NEB: variants seen among roughly 807,000 people sequenced by gnomAD.
The protein encoded by NEB is nebulin, also known as nemaline myopathy type 2.
Under a neutral mutation model 952.2 loss-of-function variants are expected in NEB, and 512 were observed. That is an observed-to-expected ratio of 0.54 (90% CI 0.50 to 0.58). NEB has a LOEUF of 0.58. NEB is among the 20% of genes least tolerant of loss of function. The pLI is 0.00. For synonymous variants in NEB, 2,900 were observed against 3,149.8 expected, an observed-to-expected ratio of 0.92 and a Z score of 2.66; for missense variants, 8,428 against 9,231.1, an observed-to-expected ratio of 0.91 and a Z score of 3.56.
intron 161 of NEB, 135 bp from the exon 162 acceptor site, chr2:151,508,244 A>AC: frequency 1.8e-6 from 1 of 555,512 alleles, no homozygotes; most frequent in Admixed American, 3.1e-5. Flanking sequence ...CTGTCCAAGG[A>AC]TGTTAGGGCA....
chr2:151,576,046 T>G, intron 106 of NEB, 105 bp downstream of exon 106: 1 of 914,762 alleles, frequency 1.1e-6, no homozygotes, highest in Non-Finnish European at 1.6e-6. Flanking sequence ...AATAAAATTT[T>G]TGTTATTAAT....
Position 151,639,306 on chromosome 2 carries a change from T to C in NEB, c.8968A>G (p.Arg2990Gly), listed in dbSNP as rs765940770. 26 of 1,542,836 alleles carry C rather than the reference T, an allele frequency of 1.7e-5. No homozygotes were observed. In the Admixed American group the frequency reaches 5.1e-4, roughly 30 times the overall value. Residue 2990 changes from arginine (R) to glycine (G), a missense_variant, in exon 63 of 182, where the codon AGA becomes GGA. Physicochemically the swap from Arg to Gly is moderately radical, Grantham distance 125. This residue lies in a region of NEB where 1,772 missense variants were observed against 1,960.3 expected (regional missense o/e 0.90). Coordinates refer to ENST00000397345, the MANE Select transcript of NEB (RefSeq NM_001164508.2). ...TCACTGTAGTTGATTTTGTTCATTC[T>C]TGCCAACATAATTTCTGGTGTGTCT... is the stretch of plus-strand genomic sequence containing the variant. ...MPDTPEIMLA[R>G]MNKINYSESL...
At chr2:151,492,731 C>G (rs1292884465) in intron 176 of NEB, 1 of 333,238 alleles carries the variant, frequency 3.0e-6, no homozygotes, top group Non-Finnish European at 5.5e-6. Flanking sequence ...AAAGAAGGGG[C>G]ACGGTATAAT....
rs35172004 is a variant in NEB, at chr2:151,642,987, T to A, written c.8161-118A>T. 0.11 allele frequency: 126,211 copies of A among 1,158,494 alleles called. 11,028 individuals are homozygous for A. The highest frequency in any genetic ancestry group is 0.4 in the African/African-American group (25,660 of 63,800). 71.8% of individuals were successfully genotyped at this position (1,158,494 alleles called of 1,614,324 possible). On this transcript the variant is annotated intron_variant, in intron 58 of 181. Transcript: ENST00000397345. ...CTCAGTGAATCGGTATTTGTGACATTTTCAGGTCTAAATGTCTTGTGTCAA... is the reference window on the plus strand; with the variant it reads ...CTCAGTGAATCGGTATTTGTGACATATTCAGGTCTAAATGTCTTGTGTCAA...
At chr2:151,555,996 G>C (rs568850342) in intron 124 of NEB, among the ~76,000 whole-genome samples, 32 of 152,084 alleles carry the variant, frequency 2.1e-4, no homozygotes, top group South Asian at 6.2e-4. Context: ...CAAGAATCTT[G>C]CCTCTATAAT....
chr2:151,733,226 T>G, intron 2 of NEB, 41 bp from the exon 3 acceptor site: 3 of 1,289,486 alleles, frequency 2.3e-6, no homozygotes, highest in Non-Finnish European at 3.3e-6. Context: ...TTAGAGTCTA[T>G]TCCCAGCACA....
At chr2:151,623,644 GA>G (rs1560573315) in intron 71 of NEB, among the ~76,000 whole-genome samples, 2 of 152,148 alleles carry the variant, frequency 1.3e-5, no homozygotes, top group African/African-American at 4.8e-5. Flanking sequence ...GTCTTTTCAA[GA>G]TGAGATTTTA....
chr2:151,564,042 A>G, intron 117 of NEB, 112 bp from the exon 118 acceptor site: 1 of 741,942 alleles, frequency 1.3e-6, no homozygotes, highest in Admixed American at 2.6e-5. Flanking sequence ...CAAGGCTGAA[A>G]TCTTTATCTA....
At chr2:151,543,244 G>A (rs1026706595) in intron 135 of NEB, among the ~76,000 whole-genome samples, 1 of 152,118 alleles carries the variant, frequency 6.6e-6, no homozygotes, top group Non-Finnish European at 1.5e-5. Context: ...AAGAACAAAT[G>A]GATACCAAAT....
intron 153 of NEB, among the ~76,000 whole-genome samples, chr2:151,522,028 T>C (rs2082287799): frequency 6.6e-6 from 1 of 152,190 alleles, no homozygotes; most frequent in African/African-American, 2.4e-5. Context: ...CCATTAACCA[T>C]GGGAGCTAAG....
chr2:151,497,074 A>G (rs772282131), intron 171 of NEB, 41 bp from the exon 172 acceptor site: 4 of 1,543,114 alleles, frequency 2.6e-6, no homozygotes, highest in Non-Finnish European at 3.5e-6. Flanking sequence ...ACCATGAGTA[A>G]CATTTCATTT....
Position 151,697,345 on chromosome 2 carries a change from C to A in NEB, c.1365+5G>T, listed in dbSNP as rs1553607969. On this transcript the variant is annotated splice_donor_5th_base_variant and intron_variant, in intron 15 of 181. Transcript: ENST00000397345. The stretch of plus-strand genomic sequence containing the variant: ...GGAAAGTCAAACAATTGTCTTAGAA[C>A]TTACATCACTGTTTTGAGCTGTGAC... 6.2e-7 allele frequency: 1 copy of A among 1,613,176 alleles called. No homozygotes were observed. Among genetic ancestry groups the A allele is most frequent in the Admixed American group, 1.7e-5 (1 of 60,002 alleles).
At chr2:151,549,550 T>C (rs911096652) in intron 130 of NEB, 86 bp downstream of exon 130, 9 of 875,918 alleles carry the variant, frequency 1.0e-5, no homozygotes, top group Middle Eastern at 2.5e-4. Flanking sequence ...AGGGTGAGAC[T>C]GGAGGATTAG....
Position 151,554,003 on chromosome 2 carries a change from T to C in NEB, c.19451A>G (p.Glu6484Gly), listed in dbSNP as rs1223296795. The part of the protein sequence containing the change: ...NIDRLYRSVY[E>G]KNKMKIHIVP... ...GATGTGGATTTTCATCTTGTTCTTT[T>C]CATAAACTGATCTGTACAGGCGCTG... The change falls in exon 126 of 182, where the codon GAA becomes GGA. Residue 6484 changes from glutamate to glycine, a missense_variant. Coordinates refer to ENST00000397345, the MANE Select transcript of NEB (RefSeq NM_001164508.2). The C allele has an allele frequency of 6.2e-7, 1 of 1,613,864 alleles. No individual in the cohort carries two copies. Among genetic ancestry groups the C allele is most frequent in the East Asian group, 2.2e-5 (1 of 44,868 alleles).
chr2:151,704,737 T>C (rs566527888), intron 13 of NEB, among the ~76,000 whole-genome samples: 2 of 152,258 alleles, frequency 1.3e-5, no homozygotes, highest in African/African-American at 2.4e-5. Context: ...GTGCGAGCAC[T>C]CACTGACCTG....
intron 17 of NEB, 31 bp downstream of exon 17, chr2:151,696,606 T>C (rs375888522): frequency 1.9e-5 from 29 of 1,491,154 alleles, no homozygotes; most frequent in African/African-American, 1.4e-4. Context: ...TCCCTCATAA[T>C]TGGGTGTCCT....
At chr2:151,569,436 A>G in intron 109 of NEB, 64 bp from the exon 110 acceptor site, 2 of 1,210,620 alleles carry the variant, frequency 1.7e-6, no homozygotes, top group Admixed American at 1.7e-5. Flanking sequence ...TAGCCTATCC[A>G]TTGGTCTCAT....
rs955652870 is a variant in NEB at position 151,570,822 on chromosome 2, G to A, written c.17014-221C>T. On this transcript the variant is annotated intron_variant, in intron 107 of 181. Coordinates refer to ENST00000397345, the MANE Select transcript of NEB (RefSeq NM_001164508.2). Reference sequence around the variant, plus strand: ...TGGGCTTGACAATCTCCTTTCTTTTGTTTTTATTATTTTTAATGTTTTATA... The same window carrying A: ...TGGGCTTGACAATCTCCTTTCTTTTATTTTTATTATTTTTAATGTTTTATA... Among the ~76,000 whole-genome samples, 8 of 151,874 alleles carry A rather than the reference G, an allele frequency of 5.3e-5. No homozygotes were observed. The South Asian group carries it at 8.3e-4, about 16-fold the overall frequency.
rs375710037 is a variant in NEB at position 151,688,337 on chromosome 2, A to C, written c.2370T>G (p.Ala790=). 1.9e-6 allele frequency: 3 copies of C among 1,613,774 alleles called. No individual in the cohort carries two copies. Among genetic ancestry groups the C allele is most frequent in the Non-Finnish European group, 2.5e-6 (3 of 1,179,850 alleles). The change falls in exon 25 of 182, where the codon GCT becomes GCG. Residue 790 remains alanine, a synonymous_variant. Coordinates refer to ENST00000397345, the MANE Select transcript of NEB (RefSeq NM_001164508.2). ...EKFKCHIPAD[A]PQFIQHRVNA... is the part of the protein sequence containing the mutation. ...TGACTCTGTGTTGGATAAACTGTGG[A>C]GCATCTGCTGGTATATGGCACTTGA...
Sources: gnomAD v4.1 joint callset for allele counts (sites outside exome capture counted in the v4.1 genomes callset) on GRCh38, gnomAD v4.1.1 for gene constraint, gnomAD v4.1.1 regional missense constraint, MANE v1.5 for transcripts, NCBI Gene and HGNC (gene_info 2026-07-23, HGNC 2026-07-21) for gene names.